Variants in PLXNA2 observed in about 807,000 individuals in gnomAD.
The protein encoded by PLXNA2 is plexin A2, also known as plexin-A2.
Under a neutral mutation model 193.5 loss-of-function variants are expected in PLXNA2, and 91 were observed. That is an observed-to-expected ratio of 0.47 (90% CI 0.40 to 0.56). The LOEUF is 0.56. PLXNA2 is among the 20% of genes least tolerant of loss of function. PLXNA2 has a pLI of 0.00. For synonymous variants in PLXNA2, 997 were observed against 1,027.3 expected (o/e 0.97, Z 0.56); for missense variants, 1,995 against 2,503.2 (o/e 0.80, Z 4.33).
At chr1:208,233,500 C>A (rs1348494738) in intron 1 of PLXNA2, among the ~76,000 whole-genome samples, 5 of 152,214 alleles carry the variant, frequency 3.3e-5, no homozygotes, top group African/African-American at 1.2e-4. Context: ...AGCTGGGGGC[C>A]CGCAGTGGAA....
chr1:208,135,985 C>T (rs1257661463), intron 4 of PLXNA2, among the ~76,000 whole-genome samples: 2 of 152,150 alleles, frequency 1.3e-5, no homozygotes, highest in African/African-American at 4.8e-5. Context: ...CTGCCACAAG[C>T]AAGAATTCTG....
chr1:208,195,993 T>A (rs1428352183), intron 3 of PLXNA2, among the ~76,000 whole-genome samples: 3 of 151,280 alleles, frequency 2.0e-5, no homozygotes, highest in Non-Finnish European at 4.4e-5. Context: ...TATGGCCTCA[T>A]GGGGGAGTCT....
At chr1:208,219,300 G>T (rs893144657) in intron 1 of PLXNA2, among the ~76,000 whole-genome samples, 3 of 152,128 alleles carry the variant, frequency 2.0e-5, no homozygotes, top group African/African-American at 7.2e-5. Flanking sequence ...GAGCCTGGAG[G>T]TCAGAGAGCA....
chr1:208,180,988 C>G (rs1027883961), intron 3 of PLXNA2, among the ~76,000 whole-genome samples: 7 of 152,224 alleles, frequency 4.6e-5, no homozygotes, highest in Non-Finnish European at 7.3e-5. Flanking sequence ...CAAACTCCAG[C>G]CTTCCAAGCC....
intron 9 of PLXNA2, among the ~76,000 whole-genome samples, 161 bp from the exon 10 acceptor site, chr1:208,084,741 C>G (rs752635977): frequency 2.9e-4 from 44 of 152,242 alleles, no homozygotes; most frequent in Admixed American, 2.2e-3. Flanking sequence ...TCGCTCTTAG[C>G]TCCTGGGCTT....
chr1:208,034,564 A>C lies in PLXNA2; in HGVS notation c.4793T>G (p.Val1598Gly). The C allele has an allele frequency of 6.2e-7, 1 of 1,613,706 alleles. No homozygotes were observed. The highest frequency in any genetic ancestry group is 8.5e-7 in the Non-Finnish European group (1 of 1,179,656). ...GTTGTAGGAGGAGGTCTGTTTGGGG[A>C]CCAGAGCCACCACCGACCTGTCTGA... is the stretch of plus-strand genomic sequence containing the variant. ...QVSDRSVVALVPKQTSSYNIP... is the reference protein window; with the variant it reads ...QVSDRSVVALGPKQTSSYNIP... The change falls in exon 27 of 32, where the codon GTC (valine) becomes GGC (glycine). Residue 1598 changes from valine to glycine, a missense_variant. Val to Gly is a moderately radical substitution (Grantham distance 109). Transcript: ENST00000367033.
At chr1:208,098,451 C>A (rs1571912898) in intron 6 of PLXNA2, among the ~76,000 whole-genome samples, 2 of 126,958 alleles carry the variant, frequency 1.6e-5, no homozygotes, top group Admixed American at 1.8e-4. Context: ...CTCTCTCTCT[C>A]TCTCTCTCAC....
chr1:208,127,932 G>A (rs1668024584), intron 4 of PLXNA2, among the ~76,000 whole-genome samples: 1 of 152,100 alleles, frequency 6.6e-6, no homozygotes, highest in South Asian at 2.1e-4. Flanking sequence ...AGGTTTTTAG[G>A]AATCTGATCA....
intron 5 of PLXNA2, among the ~76,000 whole-genome samples, chr1:208,101,507 G>C (rs1667096265): frequency 6.6e-6 from 1 of 152,196 alleles, no homozygotes; most frequent in African/African-American, 2.4e-5. Context: ...CTGGTAGGTA[G>C]GGAGGATTCT....
At chr1:208,225,365 C>T (rs937661482) in intron 1 of PLXNA2, among the ~76,000 whole-genome samples, 5 of 152,132 alleles carry the variant, frequency 3.3e-5, no homozygotes, top group African/African-American at 4.8e-5. Flanking sequence ...TGCAGTGGCG[C>T]GATCTCAGCT....
chr1:208,071,621 C>G (rs1240787503), intron 12 of PLXNA2, among the ~76,000 whole-genome samples: 1 of 152,242 alleles, frequency 6.6e-6, no homozygotes, highest in Admixed American at 6.5e-5. Flanking sequence ...TGCCAGCTCT[C>G]CTGCCCGGCG....
rs267598346 is a variant in PLXNA2 at position 208,103,235 on chromosome 1, G to T, written c.1519C>A (p.Pro507Thr). The T allele has an allele frequency of 8.7e-6, 14 of 1,613,554 alleles. No individual in the cohort carries two copies. Among genetic ancestry groups the T allele is most frequent in the Admixed American group, 1.7e-5 (1 of 59,970 alleles). The change falls in exon 5 of 32, where the codon CCC becomes ACC. Residue 507 changes from proline to threonine, a missense_variant. This residue lies in a region of PLXNA2 where 702 missense variants were observed against 812.9 expected (regional missense o/e 0.86). Transcript: ENST00000367033. ...GTATACTGCTCACATGACTCCACGG[G>T]GACCCTGGTGACCTGGCAGAGAGAG... is the stretch of plus-strand genomic sequence containing the variant. ...VMSERQVTRV[P>T]VESCEQYTTC...
chr1:208,097,153 G>A (rs1033195564), intron 6 of PLXNA2, among the ~76,000 whole-genome samples: 7 of 152,238 alleles, frequency 4.6e-5, no homozygotes, highest in South Asian at 2.1e-4. Context: ...GGGTGGGGGC[G>A]CTAGAGGGAA....
chr1:208,103,094 A>G, intron 5 of PLXNA2, 53 bp downstream of exon 5: 1 of 1,236,798 alleles, frequency 8.1e-7, no homozygotes, highest in Non-Finnish European at 1.2e-6. Flanking sequence ...TCATTCCCGG[A>G]AAGCCCCGGT....
chr1:208,032,116 G>A (rs1664523540), intron 28 of PLXNA2: 3 of 985,306 alleles, frequency 3.0e-6, no homozygotes, highest in East Asian at 1.1e-4. Context: ...AACAGTGTCC[G>A]AGGAACAAGC....
At chr1:208,158,446 C>T (rs1386203937) in intron 3 of PLXNA2, among the ~76,000 whole-genome samples, 4 of 152,142 alleles carry the variant, frequency 2.6e-5, no homozygotes, top group Non-Finnish European at 5.9e-5. Flanking sequence ...CCTGCATTTC[C>T]CCCTGTCTGC....
chr1:208,157,393 C>A, intron 3 of PLXNA2, among the ~76,000 whole-genome samples: 1 of 152,214 alleles, frequency 6.6e-6, no homozygotes. Context: ...TGAATACACA[C>A]AAATAATTAT....
At chr1:208,191,187 A>T (rs905427872) in intron 3 of PLXNA2, among the ~76,000 whole-genome samples, 4 of 152,188 alleles carry the variant, frequency 2.6e-5, no homozygotes, top group Non-Finnish European at 5.9e-5. Context: ...AGCAACAAAC[A>T]TTGGTAAGAA....
At chr1:208,182,430 C>G (rs1205770036) in intron 3 of PLXNA2, among the ~76,000 whole-genome samples, 2 of 152,004 alleles carry the variant, frequency 1.3e-5, no homozygotes, top group Middle Eastern at 3.4e-3. Flanking sequence ...GATACTTTGT[C>G]TCAGAAAAGA....
Sources: gnomAD v4.1 joint callset for allele counts (sites outside exome capture counted in the v4.1 genomes callset) on GRCh38, gnomAD v4.1.1 for gene constraint, gnomAD v4.1.1 regional missense constraint, MANE v1.5 for transcripts, NCBI Gene and HGNC (gene_info 2026-07-23, HGNC 2026-07-21) for gene names.